The following MTCL1 variants were observed in gnomAD, a reference collection of about 807,000 sequenced individuals.
MTCL1 encodes the protein microtubule crosslinking factor 1.
A neutral mutation model predicts 141.4 loss-of-function variants in MTCL1; 79 were observed. That is an observed-to-expected ratio of 0.56 (90% CI 0.47 to 0.67). MTCL1 has a LOEUF of 0.67. Ranked by LOEUF, MTCL1 falls within the 30% of genes least tolerant of loss-of-function variation. The pLI is 0.00. For synonymous variants in MTCL1, 914 were observed against 875.8 expected (o/e 1.04, Z -0.77); for missense variants, 2,177 against 2,113.9 (o/e 1.03, Z -0.59).
intron 12 of MTCL1, among the ~76,000 whole-genome samples, chr18:8,813,767 G>T (rs771667269): frequency 6.6e-6 from 1 of 152,162 alleles, no homozygotes; most frequent in Non-Finnish European, 1.5e-5. Context: ...TGTCAAGAGA[G>T]GTAGCTGGTA....
At chr18:8,706,678 A>T in exon 1 of MTCL1, 1 of 1,546,190 alleles carries the variant, frequency 6.5e-7, no homozygotes, top group Non-Finnish European at 8.7e-7. Context: ...GCTGCGGGAG[A>T]TGGAGGAGCT....
upstream of MTCL1, among the ~76,000 whole-genome samples, chr18:8,715,048 G>A (rs1042578308): frequency 4.6e-5 from 7 of 152,038 alleles, no homozygotes; most frequent in South Asian, 2.1e-4. Context: ...CGCCCGCCTC[G>A]GCCTCCCAAA....
At chr18:8,718,137 T>A (rs2096142249) in intron 2 of MTCL1, among the ~76,000 whole-genome samples, 1 of 152,184 alleles carries the variant, frequency 6.6e-6, no homozygotes, top group South Asian at 2.1e-4. Context: ...TGATTTTATT[T>A]GATCATGTAG....
chr18:8,750,201 C>G (rs2096363448), intron 4 of MTCL1, among the ~76,000 whole-genome samples: 1 of 151,880 alleles, frequency 6.6e-6, no homozygotes, highest in Non-Finnish European at 1.5e-5. Context: ...CTCATGCCAC[C>G]ACACTGGCTA....
intron 11 of MTCL1, among the ~76,000 whole-genome samples, chr18:8,808,886 C>T (rs543578961): frequency 4.6e-5 from 7 of 152,288 alleles, no homozygotes; most frequent in South Asian, 4.1e-4. Context: ...GGCTTTTGCA[C>T]GTAGGCTGTC....
At chr18:8,742,684 C>G (rs528619085) in intron 4 of MTCL1, among the ~76,000 whole-genome samples, 3 of 152,322 alleles carry the variant, frequency 2.0e-5, no homozygotes. Flanking sequence ...AACCACATCA[C>G]CGTCGTTTCC....
rs755239009 is a variant in MTCL1 at position 8,784,421 on chromosome 18, A to G, written c.1309A>G (p.Ser437Gly). 9 of 1,528,420 alleles carry G rather than the reference A, an allele frequency of 5.9e-6. No homozygotes were observed. In the South Asian group the frequency reaches 1.0e-4, roughly 18 times the overall value. 94.7% of individuals were successfully genotyped at this position (1,528,420 alleles called of 1,614,324 possible). The change falls in exon 6 of 17, where the codon AGC becomes GGC. Residue 437 changes from serine to glycine, a missense_variant. Transcript: ENST00000359865. ...CGGGAGCGGGAAGCCATCGGAGGCCAGCGAGCCATGCCCCACGGAGCTCCT... is the reference window on the plus strand; with the variant it reads ...CGGGAGCGGGAAGCCATCGGAGGCCGGCGAGCCATGCCCCACGGAGCTCCT...
At chr18:8,782,449 G>A (rs543571623) in intron 5 of MTCL1, 1 of 152,316 alleles carries the variant, frequency 6.6e-6, no homozygotes, top group East Asian at 1.9e-4. Flanking sequence ...AAAACGGGGA[G>A]TTCATCTGGC....
At chr18:8,740,691 C>T (rs2096297909) in intron 4 of MTCL1, among the ~76,000 whole-genome samples, 1 of 152,146 alleles carries the variant, frequency 6.6e-6, no homozygotes, top group African/African-American at 2.4e-5. Context: ...CCATGTTGGC[C>T]AGACTGGTCT....
At position 8,738,738 on chromosome 18, in the gene MTCL1, A is replaced by AG. The variant is rs2096286255; in HGVS notation, c.357+18245dup. Among the ~76,000 whole-genome samples the AG allele has an allele frequency of 2.6e-5, 4 of 152,210 alleles. No individual in the cohort carries two copies. In the South Asian group the frequency reaches 8.3e-4, roughly 32 times the overall value. ...AGGACGCACTGCTTTGAGAGTGGATAGGGAGGCTCACAGAGTCCTTCTTGG... is the reference window on the plus strand; with the variant it reads ...AGGACGCACTGCTTTGAGAGTGGATAGGGGAGGCTCACAGAGTCCTTCTTGG... On this transcript the variant is annotated intron_variant, in intron 4 of 16. Coordinates refer to ENST00000359865, the Ensembl canonical transcript of MTCL1.
intron 4 of MTCL1, among the ~76,000 whole-genome samples, chr18:8,730,728 G>A (rs4798680): frequency 0.33 from 49,716 of 152,038 alleles, 9,093 homozygotes; most frequent in East Asian, 0.57. Flanking sequence ...GCAGATTATG[G>A]CACCCTTGGG....
chr18:8,826,021 G>T, exon 15 of MTCL1: 1 of 1,610,148 alleles, frequency 6.2e-7, no homozygotes, highest in Non-Finnish European at 8.5e-7. Context: ...TCAGAGATGT[G>T]CAGGGAGGAA....
intron 8 of MTCL1, among the ~76,000 whole-genome samples, chr18:8,793,536 T>G (rs910592307): frequency 2.0e-5 from 3 of 152,192 alleles, no homozygotes; most frequent in Admixed American, 6.5e-5. Flanking sequence ...TGCCGCAACT[T>G]GAGCTGTGGC....
Position 8,706,232 on chromosome 18 carries a change from C to T in MTCL1, c.572C>T (p.Thr191Ile), listed in dbSNP as rs375302145. ...ATCCCTGCCGTGACCCTCGCGGTGA[C>T]CTCGGTGGCCGGGTCCCCGGCCCGC... Residue 191 changes from threonine to isoleucine, a missense_variant, in exon 1 of 14, where the codon ACC becomes ATC. By Grantham distance (89) the Thr-to-Ile change is moderately conservative. Transcript: ENST00000306329. 2.4e-5 allele frequency: 29 copies of T among 1,228,200 alleles called. No individual in the cohort carries two copies. The East Asian group carries it at 3.8e-4, about 16-fold the overall frequency. The allele number at this position is 1,228,200 out of a possible 1,614,324, so 76.1% of individuals were successfully genotyped here.
chr18:8,748,706 C>T (rs1479746368), intron 4 of MTCL1, among the ~76,000 whole-genome samples: 2 of 151,780 alleles, frequency 1.3e-5, no homozygotes, highest in East Asian at 1.9e-4. Context: ...TGTATATATA[C>T]ATATATATTT....
chr18:8,775,156 G>T (rs1399438080), intron 4 of MTCL1, among the ~76,000 whole-genome samples: 3 of 152,204 alleles, frequency 2.0e-5, no homozygotes, highest in African/African-American at 7.2e-5. Flanking sequence ...GGGACAGCAG[G>T]CTCTGCCCTC....
intron 10 of MTCL1, among the ~76,000 whole-genome samples, chr18:8,799,466 T>G (rs1187660590): frequency 6.6e-6 from 1 of 152,234 alleles, no homozygotes; most frequent in Non-Finnish European, 1.5e-5. Context: ...GAACTTTTAT[T>G]CACAGCCATC....
In MTCL1 at chr18:8,779,542, T is replaced by C. The variant is rs2096525635; in HGVS notation, c.417+1650T>C. Among the ~76,000 whole-genome samples the C allele has an allele frequency of 6.6e-6, 1 of 152,090 alleles. No homozygotes were observed. The highest frequency in any genetic ancestry group is 2.4e-5 in the African/African-American group (1 of 41,406). Reference sequence around the variant, plus strand: ...TATGAGAAGGAGTGGCTTCCCCTACTCAGAACAGGCCGAGCTCAGCTTCCC... The same window carrying C: ...TATGAGAAGGAGTGGCTTCCCCTACCCAGAACAGGCCGAGCTCAGCTTCCC... On this transcript the variant is annotated intron_variant, in intron 5 of 16. Transcript: ENST00000359865. The surrounding 1 kb of genome is among the most constrained non-coding windows in gnomAD (Gnocchi z 4.1).
At chr18:8,717,677 C>G (rs2096138087) in intron 1 of MTCL1, 1 of 154,850 alleles carries the variant, frequency 6.5e-6, no homozygotes, top group Non-Finnish European at 1.4e-5. Context: ...GAGGCCTGGA[C>G]CAGGGTGATC....
Sources: gnomAD v4.1 joint callset for allele counts (sites outside exome capture counted in the v4.1 genomes callset) on GRCh38, gnomAD v4.1.1 for gene constraint, Gnocchi (gnomAD v3.1) non-coding constraint, MANE v1.5 for transcripts, NCBI Gene and HGNC (gene_info 2026-07-23, HGNC 2026-07-21) for gene names.